CDH13: variants seen among roughly 807,000 people sequenced by gnomAD.
CDH13 encodes cadherin 13, also known as cadherin-13.
In CDH13, 24 loss-of-function variants were observed where a neutral mutation model predicts 63.8. The ratio of observed to expected loss-of-function variants is 0.38; its 90% CI spans 0.27 to 0.53. The LOEUF (loss-of-function observed/expected upper bound fraction) is 0.53. Ranked by LOEUF, CDH13 falls within the 20% of genes least tolerant of loss-of-function variation. The pLI is 0.85. For missense variants in CDH13, 1,049 were observed against 903.1 expected (o/e 1.16, Z -2.07); for synonymous variants, 503 against 355.3 (o/e 1.42, Z -4.67).
chr16:83,505,193 C>T (rs555045126), intron 7 of CDH13, among the ~76,000 whole-genome samples: 2 of 152,310 alleles, frequency 1.3e-5, no homozygotes, highest in East Asian at 3.9e-4. Context: ...GCCTCCAGAT[C>T]CCCAGGCTTC....
intron 13 of CDH13, among the ~76,000 whole-genome samples, chr16:83,785,790 A>C (rs1307873647): frequency 6.6e-6 from 1 of 152,124 alleles, no homozygotes. Context: ...CTATGGCTGG[A>C]AGGGCAGCTT....
chr16:83,522,132 GCTGT>G (rs2074852890), intron 7 of CDH13, among the ~76,000 whole-genome samples: 1 of 152,204 alleles, frequency 6.6e-6, no homozygotes, highest in South Asian at 2.1e-4. Flanking sequence ...CCCACCGGGT[GCTGT>G]CTGTTTAGAG....
At chr16:83,308,769 A>G (rs926060243) in intron 5 of CDH13, among the ~76,000 whole-genome samples, 1 of 152,206 alleles carries the variant, frequency 6.6e-6, no homozygotes, top group Non-Finnish European at 1.5e-5. Context: ...TAAAATGAGG[A>G]AGGAGAATCA....
At chr16:83,591,890 T>A (rs8061844) in intron 7 of CDH13, among the ~76,000 whole-genome samples, 42,613 of 152,126 alleles carry the variant, frequency 0.28, 6,841 homozygotes, top group East Asian at 0.41. Context: ...CAATGACTAC[T>A]TTTAATAGAG....
intron 1 of CDH13, among the ~76,000 whole-genome samples, chr16:82,658,069 A>C (rs1911503630): frequency 6.6e-6 from 1 of 152,202 alleles, no homozygotes; most frequent in African/African-American, 2.4e-5. Flanking sequence ...GTTCTTTATT[A>C]AGTTGAAGAA....
chr16:83,010,226 C>G (rs879383644), intron 2 of CDH13, among the ~76,000 whole-genome samples: 1 of 151,046 alleles, frequency 6.6e-6, no homozygotes, highest in Non-Finnish European at 1.5e-5. Context: ...GCTGCTCATG[C>G]TGCTGATCCT....
At chr16:83,257,765 T>C (rs184393391) in intron 5 of CDH13, among the ~76,000 whole-genome samples, 1 of 152,350 alleles carries the variant, frequency 6.6e-6, no homozygotes, top group East Asian at 1.9e-4. Flanking sequence ...ATGATTTATA[T>C]TCCTTTGTGT....
chr16:83,037,160 T>A (rs1022100704), intron 3 of CDH13, among the ~76,000 whole-genome samples: 2 of 152,190 alleles, frequency 1.3e-5, no homozygotes, highest in Admixed American at 1.3e-4. Context: ...CTACTATTTT[T>A]TGAGAATTGA....
Position 82,912,071 on chromosome 16 carries a change from G to A in CDH13, c.157+53598G>A, listed in dbSNP as rs185791661. Among the ~76,000 whole-genome samples the A allele has an allele frequency of 1.8e-3, 277 of 152,004 alleles. 3 individuals are homozygous for A. The highest frequency in any genetic ancestry group is 6.1e-3 in the African/African-American group (253 of 41,472). On this transcript the variant is annotated intron_variant, in intron 2 of 13. Transcript: ENST00000567109. ...CTCTAATTCCACGGCCGCCCCTGCC[G>A]TCTCTTCAGCCATCCCATCCCGCCA... is the stretch of plus-strand genomic sequence containing the variant.
In CDH13 at chr16:82,964,016, G is replaced by T. The variant is rs80113522; in HGVS notation, c.158-67994G>T. On this transcript the variant is annotated intron_variant, in intron 2 of 13. Transcript: ENST00000567109. ...GAACACCAGTGCCCGGTGGAGCTGC[G>T]GGCTTTTGAGACCTCCCGAGTCGCT... is the stretch of plus-strand genomic sequence containing the variant. 4.6e-3 allele frequency among the ~76,000 whole-genome samples: 699 copies of T among 152,234 alleles called. 8 individuals are homozygous for T. The highest frequency in any genetic ancestry group is 0.016 in the African/African-American group (676 of 41,546).
At chr16:82,882,207 C>T (rs2040727858) in intron 2 of CDH13, among the ~76,000 whole-genome samples, 1 of 152,160 alleles carries the variant, frequency 6.6e-6, no homozygotes, top group South Asian at 2.1e-4. Context: ...ACACAAGTGT[C>T]ACAAAGATAT....
At chr16:83,031,890 C>A (rs1475633987) in intron 2 of CDH13, 120 bp from the exon 3 acceptor site, 2 of 770,810 alleles carry the variant, frequency 2.6e-6, no homozygotes, top group Non-Finnish European at 2.1e-6. Context: ...TAAAACGTAA[C>A]ATTTGTGAAC....
chr16:82,816,700 G>A (rs1366527958), intron 1 of CDH13, among the ~76,000 whole-genome samples: 1 of 143,434 alleles, frequency 7.0e-6, no homozygotes, highest in Non-Finnish European at 1.6e-5. Flanking sequence ...CTTCAAAAAC[G>A]AAGATGTGAA....
intron 6 of CDH13, among the ~76,000 whole-genome samples, chr16:83,478,334 C>A (rs2073666399): frequency 6.6e-6 from 1 of 152,138 alleles, no homozygotes; most frequent in Non-Finnish European, 1.5e-5. Flanking sequence ...TGTGAAGCTA[C>A]CTGTATGGGC....
chr16:82,975,864 AG>A (rs1460216905), intron 2 of CDH13, among the ~76,000 whole-genome samples: 1 of 152,088 alleles, frequency 6.6e-6, no homozygotes, highest in Non-Finnish European at 1.5e-5. Context: ...GTTTCCTTTT[AG>A]GGCTTTTAAC....
rs117203794 is a variant in CDH13 at position 83,625,372 on chromosome 16, C to T, written c.1101+22778C>T. Among the ~76,000 whole-genome samples, 275 of 152,288 alleles carry T rather than the reference C, an allele frequency of 1.8e-3. 5 individuals are homozygous for T. In the East Asian group the frequency reaches 0.048, roughly 26 times the overall value. On this transcript the variant is annotated intron_variant, in intron 8 of 13. Coordinates refer to ENST00000567109, the MANE Select transcript of CDH13 (RefSeq NM_001257.5). Reference sequence around the variant, plus strand: ...CTCCGCATGTACCCTGTTTAAAGGACGGTCCACTTCCACCCTATACAGTTG... The same window carrying T: ...CTCCGCATGTACCCTGTTTAAAGGATGGTCCACTTCCACCCTATACAGTTG...
rs868288976 is a variant in CDH13, at chr16:82,782,852, C to T, written c.46-75510C>T. ...TCCAAGTTCCTGGCACTAAGTTCTGCGCAGGGGCCTGGGCGAGGTCTTTAT... is the reference window on the plus strand; with the variant it reads ...TCCAAGTTCCTGGCACTAAGTTCTGTGCAGGGGCCTGGGCGAGGTCTTTAT... On this transcript the variant is annotated intron_variant, in intron 1 of 13. Coordinates refer to ENST00000567109, the MANE Select transcript of CDH13 (RefSeq NM_001257.5). 1.3e-3 allele frequency among the ~76,000 whole-genome samples: 201 copies of T among 152,244 alleles called. 1 individual carries two copies. The highest frequency in any genetic ancestry group is 4.5e-3 in the African/African-American group (185 of 41,560).
In CDH13 at chr16:83,506,043, C is replaced by T. The variant is rs115330365; in HGVS notation, c.960+19388C>T. Among the ~76,000 whole-genome samples the T allele has an allele frequency of 1.9e-3, 287 of 152,182 alleles. 1 individual carries two copies. Among genetic ancestry groups the T allele is most frequent in the African/African-American group, 6.6e-3 (273 of 41,512 alleles). ...GAATGGGTAGAAGTGGAATTCACAC[C>T]CAGGTCAGTGTAAGACCAAAGAGGC... On this transcript the variant is annotated intron_variant, in intron 7 of 13. Transcript: ENST00000567109.
chr16:83,117,331 C>CG (rs112575833), intron 3 of CDH13, among the ~76,000 whole-genome samples: 17 of 152,294 alleles, frequency 1.1e-4, no homozygotes, highest in African/African-American at 4.1e-4. Flanking sequence ...CCGCCATGCC[C>CG]GGTAGGCTTC....
Sources: gnomAD v4.1 joint callset for allele counts (sites outside exome capture counted in the v4.1 genomes callset) on GRCh38, gnomAD v4.1.1 for gene constraint, MANE v1.5 for transcripts, NCBI Gene and HGNC (gene_info 2026-07-23, HGNC 2026-07-21) for gene names.